Variants in KLF8 observed in about 807,000 individuals in gnomAD.
The protein encoded by KLF8 is Krueppel-like factor 8.
KLF8 carries 10 observed loss-of-function variants against 18.2 expected under a neutral mutation model. That is an observed-to-expected ratio of 0.55 (90% CI 0.34 to 0.93). The LOEUF (loss-of-function observed/expected upper bound fraction) is 0.93, where lower values mean the gene tolerates loss of function less well. Ranked by LOEUF, KLF8 falls within the 40% of genes least tolerant of loss-of-function variation. The pLI, the probability that KLF8 is intolerant of heterozygous loss-of-function variation, is 0.02. For missense variants in KLF8, 264 were observed against 277.9 expected (o/e 0.95, Z 0.36); for synonymous variants, 109 against 97.3 (o/e 1.12, Z -0.71).
At chrX:56,265,812 C>T in intron 3 of KLF8, 68 bp downstream of exon 3, 2 of 1,126,001 alleles carry the variant, frequency 1.8e-6, no homozygotes, top group South Asian at 2.2e-5. Context: ...ATCCTATCTC[C>T]TGTCTCTTTT....
the KLF8 span, among the ~76,000 whole-genome samples, chrX:56,184,420 C>T: frequency 8.9e-6 from 1 of 112,722 alleles, no homozygotes; most frequent in Admixed American, 9.3e-5. Context: ...CTGCCTGCCT[C>T]TGTAGGCTCC....
At chrX:55,934,939 T>C in the KLF8 span, among the ~76,000 whole-genome samples, 1 of 111,448 alleles carries the variant, frequency 9.0e-6, no homozygotes, top group African/African-American at 3.3e-5. Context: ...TAAATCCAAC[T>C]CTTCTAGTGG....
the KLF8 span, among the ~76,000 whole-genome samples, chrX:56,052,746 G>A: frequency 1.8e-5 from 2 of 112,160 alleles, no homozygotes; most frequent in African/African-American, 3.2e-5. Context: ...GCCCCCAGAG[G>A]TGTAGCCTAA....
At chrX:56,248,012 AATGCTTTGCACTGTGAC>A (rs1343487786) in intron 1 of KLF8, among the ~76,000 whole-genome samples, 2 of 111,632 alleles carry the variant, frequency 1.8e-5, no homozygotes. Flanking sequence ...ATACATGAGT[AATGCTTTGCACTGTGAC>A]ATTACAGCGG....
chrX:56,124,282 G>A, the KLF8 span, among the ~76,000 whole-genome samples: 1 of 111,711 alleles, frequency 9.0e-6, no homozygotes, highest in Admixed American at 9.5e-5. Flanking sequence ...ATGTGTACCT[G>A]TTTTGTTCAT....
chrX:56,234,106 A>G (rs2066441752), intron 1 of KLF8, among the ~76,000 whole-genome samples: 1 of 111,495 alleles, frequency 9.0e-6, no homozygotes, highest in Non-Finnish European at 1.9e-5. Context: ...GGAAAAAATA[A>G]ATCACATCCA....
chrX:56,154,111 C>A, the KLF8 span, among the ~76,000 whole-genome samples: 1 of 111,085 alleles, frequency 9.0e-6, no homozygotes, highest in Non-Finnish European at 1.9e-5. Context: ...AAAAAAAGAG[C>A]CCACATCGCC....
the KLF8 span, among the ~76,000 whole-genome samples, chrX:56,079,442 T>A: frequency 1.8e-5 from 2 of 111,756 alleles, no homozygotes; most frequent in Non-Finnish European, 3.8e-5. Context: ...TCCCATGTAG[T>A]TGAGTGGTTT....
the KLF8 span, among the ~76,000 whole-genome samples, chrX:56,173,074 T>G: frequency 7.2e-5 from 8 of 111,794 alleles, no homozygotes; most frequent in African/African-American, 2.3e-4. Flanking sequence ...ATGGTAGTTT[T>G]TTTTGCTGTG....
the KLF8 span, among the ~76,000 whole-genome samples, chrX:55,982,070 A>T: frequency 9.0e-6 from 1 of 110,870 alleles, no homozygotes; most frequent in African/African-American, 3.3e-5. Context: ...TTTGAGAATG[A>T]TAGTGACTCT....
chrX:56,133,318 T>C, the KLF8 span, among the ~76,000 whole-genome samples: 1 of 112,335 alleles, frequency 8.9e-6, no homozygotes, highest in Non-Finnish European at 1.9e-5. Flanking sequence ...TAATCCGTCA[T>C]GATTAAGTGG....
chrX:56,207,498 C>G, the KLF8 span, among the ~76,000 whole-genome samples: 22 of 111,646 alleles, frequency 2.0e-4, no homozygotes, highest in Non-Finnish European at 3.6e-4. Context: ...CCTATATCAT[C>G]TTTCTCAATT....
chrX:56,144,597 C>A, the KLF8 span, among the ~76,000 whole-genome samples: 1 of 106,209 alleles, frequency 9.4e-6, no homozygotes, highest in Non-Finnish European at 1.9e-5. Context: ...AAAATACAAA[C>A]AAAAACTTAG....
chrX:56,276,851 A>G (rs2067129437), intron 5 of KLF8, among the ~76,000 whole-genome samples: 1 of 111,069 alleles, frequency 9.0e-6, no homozygotes, highest in South Asian at 3.8e-4. Context: ...CTATCTCTTT[A>G]TCTACTTGCT....
At chrX:55,918,067 T>G in the KLF8 span, among the ~76,000 whole-genome samples, 2 of 112,078 alleles carry the variant, frequency 1.8e-5, no homozygotes, top group Non-Finnish European at 3.8e-5. Flanking sequence ...GTAATTCAAC[T>G]TCTCACTATC....
At chrX:55,979,789 G>A in the KLF8 span, among the ~76,000 whole-genome samples, 1 of 111,534 alleles carries the variant, frequency 9.0e-6, no homozygotes, top group African/African-American at 3.3e-5. Flanking sequence ...TTTTGAAGTT[G>A]ATTCAACAGG....
At chrX:56,068,061 G>T in the KLF8 span, among the ~76,000 whole-genome samples, 2 of 112,223 alleles carry the variant, frequency 1.8e-5, no homozygotes, top group Non-Finnish European at 3.8e-5. Flanking sequence ...TCTCCCTTTT[G>T]TGTGAACTCA....
chrX:56,058,159 CAT>C, the KLF8 span, among the ~76,000 whole-genome samples: 36 of 79,662 alleles, frequency 4.5e-4, no homozygotes, highest in South Asian at 6.2e-4. Flanking sequence ...CAGTGTTGGG[CAT>C]ATATATATAT....
At chrX:56,062,205 A>G in the KLF8 span, among the ~76,000 whole-genome samples, 8 of 110,388 alleles carry the variant, frequency 7.2e-5, no homozygotes, top group Non-Finnish European at 1.3e-4. Flanking sequence ...TCCTGTCATT[A>G]TGATGATAGC....
Sources: allele counts gnomAD v4.1 joint callset (sites outside exome capture counted in the v4.1 genomes callset), GRCh38; gene constraint gnomAD v4.1.1; transcripts MANE v1.5; gene names NCBI Gene and HGNC (gene_info 2026-07-23, HGNC 2026-07-21).